Variants in ETS2 observed in about 807,000 individuals in gnomAD.
ETS2 encodes the protein protein C-ets-2.
A neutral mutation model predicts 54.9 loss-of-function variants in ETS2; 19 were observed. The ratio of observed to expected loss-of-function variants is 0.35; its 90% CI spans 0.24 to 0.51. ETS2 has a LOEUF of 0.51. Ranked by LOEUF, ETS2 falls within the 20% of genes least tolerant of loss-of-function variation. The pLI is 0.97. For missense variants in ETS2, 417 were observed against 593.0 expected (o/e 0.70, Z 3.08); for synonymous variants, 219 against 229.3 (o/e 0.95, Z 0.41).
At chr21:38,817,144 G>T (rs376307246) in intron 6 of ETS2, 53 bp downstream of exon 6, 64 of 1,214,554 alleles carry the variant, frequency 5.3e-5, no homozygotes, top group Non-Finnish European at 7.3e-5. Context: ...CTTCCCAGTA[G>T]ACTTGGAATC....
chr21:38,816,456 C>A (rs747999436), intron 5 of ETS2, among the ~76,000 whole-genome samples: 1 of 152,112 alleles, frequency 6.6e-6, no homozygotes, highest in South Asian at 2.1e-4. Context: ...TCCGGGTGGA[C>A]GTGCACTTTG....
At chr21:38,812,008 G>A (rs767485133) in intron 2 of ETS2, among the ~76,000 whole-genome samples, 2 of 152,180 alleles carry the variant, frequency 1.3e-5, no homozygotes, top group Non-Finnish European at 2.9e-5. Context: ...AAGCCACCCC[G>A]CCTGGCCTGG....
In ETS2 at chr21:38,821,661, G is replaced by T. The variant is rs1465836920; in HGVS notation, c.1151G>T (p.Trp384Leu). 6.2e-7 allele frequency: 1 copy of T among 1,613,986 alleles called. No individual in the cohort carries two copies. Residue 384 changes from tryptophan to leucine, a missense_variant, in exon 9 of 10, where the codon TGG (tryptophan) becomes TTG (leucine). Around this residue, in one of 3 missense-constraint regions of ETS2, gnomAD observed 60 missense variants for 134.1 expected, o/e 0.45. Coordinates refer to ENST00000360938, the MANE Select transcript of ETS2 (RefSeq NM_005239.6). The surrounding 1 kb of genome is among the most constrained non-coding windows in gnomAD (Gnocchi z 4.2). ...SDKSCQSFIS[W>L]TGDGWEFKLA... ...AAATCCTGCCAGTCATTCATCAGCTGGACTGGAGACGGATGGGAGTTTAAG... is the reference window on the plus strand; with the variant it reads ...AAATCCTGCCAGTCATTCATCAGCTTGACTGGAGACGGATGGGAGTTTAAG...
rs1031509121 is a variant in ETS2 at position 38,824,036 on chromosome 21, A to T, written c.*1147A>T. 6 of 152,648 alleles carry T rather than the reference A, an allele frequency of 3.9e-5. No individual in the cohort carries two copies. Among genetic ancestry groups the T allele is most frequent in the Non-Finnish European group, 5.9e-5 (4 of 68,042 alleles). The allele number at this position is 152,648 out of a possible 1,614,324, so 9.5% of individuals were successfully genotyped here. A position where few individuals can be genotyped will look rare whatever the true frequency, so the allele number is the denominator to read the frequency against. On this transcript the variant is annotated 3_prime_UTR_variant, in exon 10 of 10. Transcript: ENST00000360938. ...TTTATGTAGCAGCTATTTTTACTGC[A>T]AAAGTAATTCACTGGAAAAAAAATG...
chr21:38,823,621 T>TTTTTG lies in ETS2; in HGVS notation c.*735_*736insTGTTT, dbSNP rs1555887205. 7.2e-5 allele frequency: 11 copies of TTTTTG among 152,412 alleles called. No individual in the cohort carries two copies. Among genetic ancestry groups the TTTTTG allele is most frequent in the South Asian group, 2.1e-4 (1 of 4,812 alleles). The allele number at this position is 152,412 out of a possible 1,614,324, so 9.4% of individuals were successfully genotyped here. A position where few individuals can be genotyped will look rare whatever the true frequency, so the allele number is the denominator to read the frequency against. Reference sequence around the variant, plus strand: ...GGGGTAATCCCTGCTTTTTGTGTTTTTTTGTTTGTTTGTTTGTTTGTTTTT... The same window carrying TTTTTG: ...GGGGTAATCCCTGCTTTTTGTGTTTTTTTTGTTTGTTTGTTTGTTTGTTTGTTTTT... On this transcript the variant is annotated 3_prime_UTR_variant, in exon 10 of 10. Transcript: ENST00000360938.
chr21:38,820,364 T>TGGTTAGGTG (rs2060952998), intron 8 of ETS2, among the ~76,000 whole-genome samples: 2 of 152,220 alleles, frequency 1.3e-5, no homozygotes, highest in South Asian at 4.1e-4. Flanking sequence ...CACTGTGGAT[T>TGGTTAGGTG]GAAATTACCT....
chr21:38,812,912 T>C (rs2060919137), intron 2 of ETS2, 91 bp from the exon 3 acceptor site: 2 of 837,860 alleles, frequency 2.4e-6, no homozygotes, highest in African/African-American at 3.3e-5. Flanking sequence ...TCAGGGACTA[T>C]TGGTAGGATT....
At chr21:38,813,259 C>G in intron 3 of ETS2, 145 bp downstream of exon 3, 1 of 649,666 alleles carries the variant, frequency 1.5e-6, no homozygotes, top group East Asian at 2.6e-5. Context: ...TGGGAGAAGG[C>G]AGTTTTTCAT....
At chr21:38,807,070 C>T (rs1320863024) in intron 1 of ETS2, among the ~76,000 whole-genome samples, 1 of 152,208 alleles carries the variant, frequency 6.6e-6, no homozygotes. Flanking sequence ...GCCCACACCA[C>T]CACCAATCAG....
rs1366138214 is a variant in ETS2, at chr21:38,805,967, C to G, written c.-154C>G. ...AGAGACTGACGAGTGCGGTGTCGCTCCAGCTCAGAGCTCCCGGAGCCGCCC... is the reference window on the plus strand; with the variant it reads ...AGAGACTGACGAGTGCGGTGTCGCTGCAGCTCAGAGCTCCCGGAGCCGCCC... On this transcript the variant is annotated 5_prime_UTR_variant, in exon 1 of 10. Transcript: ENST00000360938. The surrounding 1 kb of genome is among the most constrained non-coding windows in gnomAD (Gnocchi z 5.2). 7.9e-7 allele frequency: 1 copy of G among 1,268,740 alleles called. No individual in the cohort carries two copies. 78.6% of individuals were successfully genotyped at this position (1,268,740 alleles called of 1,614,324 possible). A position where few individuals can be genotyped will look rare whatever the true frequency, so the allele number is the denominator to read the frequency against.
rs935794378 is a variant in ETS2 at position 38,821,052 on chromosome 21, C to T, written c.1076-534C>T. Among the ~76,000 whole-genome samples, 5 of 152,134 alleles carry T rather than the reference C, an allele frequency of 3.3e-5. No individual in the cohort carries two copies. The highest frequency in any genetic ancestry group is 6.5e-5 in the Admixed American group (1 of 15,280). On this transcript the variant is annotated intron_variant, in intron 8 of 9. Coordinates refer to ENST00000360938, the MANE Select transcript of ETS2 (RefSeq NM_005239.6). The surrounding 1 kb of genome is among the most constrained non-coding windows in gnomAD (Gnocchi z 4.2). ...GGCTGTGAGGCAACGGGTGTGACCC[C>T]GCGTGGCTATTGAGTAAACCGGGCT...
chr21:38,813,114 G>A lies in ETS2; in HGVS notation c.184G>A (p.Asp62Asn), dbSNP rs780267734. ...VPTGLDSISH[D>N]SANCELPLLT... The stretch of plus-strand genomic sequence containing the variant: ...AACAGGCTTGGATTCCATTTCTCAT[G>A]GTAATTGGTTCCTCAGACTTGACAA... The change falls in exon 3 of 10, where the codon GAC (aspartate) becomes AAC (asparagine). Residue 62 changes from aspartate to asparagine, a missense_variant and splice_region_variant. By Grantham distance (23) the Asp-to-Asn change is conservative (BLOSUM62 1). Around this residue, in one of 3 missense-constraint regions of ETS2, gnomAD observed 326 missense variants for 426.1 expected, o/e 0.76. Coordinates refer to ENST00000360938, the MANE Select transcript of ETS2 (RefSeq NM_005239.6). 3 of 1,588,334 alleles carry A rather than the reference G, an allele frequency of 1.9e-6. No individual in the cohort carries two copies. In the East Asian group the frequency reaches 6.7e-5, roughly 35 times the overall value.
In ETS2 at chr21:38,814,460, G is replaced by A. The variant is rs937623336; in HGVS notation, c.304+68G>A. The A allele has an allele frequency of 1.0e-5, 16 of 1,582,898 alleles. No homozygotes were observed. The African/African-American group carries it at 2.0e-4, about 20-fold the overall frequency. On this transcript the variant is annotated intron_variant, in intron 4 of 9. Transcript: ENST00000360938. The surrounding 1 kb of genome is among the most constrained non-coding windows in gnomAD (Gnocchi z 4.2). ...AACTTCAGTGCAGTTGTTTGATCTTGACTTGTTTATTAAGCTTTTGCTTGG... is the reference window on the plus strand; with the variant it reads ...AACTTCAGTGCAGTTGTTTGATCTTAACTTGTTTATTAAGCTTTTGCTTGG...
intron 9 of ETS2, among the ~76,000 whole-genome samples, chr21:38,822,366 C>T (rs1484656415): frequency 1.3e-5 from 2 of 152,184 alleles, no homozygotes; most frequent in Admixed American, 6.5e-5. Flanking sequence ...GTGGGTGACA[C>T]CACCTTTCCC....
rs2060926175 is a variant in ETS2 at position 38,814,728 on chromosome 21, A to C, written c.305-53A>C. ...AATTAGGGATGACAGTGGTCTCACT[A>C]CCTTTCCACTGTTTTTACCTCATGT... On this transcript the variant is annotated intron_variant, in intron 4 of 9. Transcript: ENST00000360938. The surrounding 1 kb of genome is among the most constrained non-coding windows in gnomAD (Gnocchi z 4.2). The C allele has an allele frequency of 6.6e-7, 1 of 1,507,812 alleles. No homozygotes were observed. Among genetic ancestry groups the C allele is most frequent in the Non-Finnish European group, 9.2e-7 (1 of 1,086,248 alleles). The allele number at this position is 1,507,812 out of a possible 1,614,324, so 93.4% of individuals were successfully genotyped here.
chr21:38,822,885 A>G lies in ETS2; in HGVS notation c.1406A>G (p.Asp469Gly). The G allele has an allele frequency of 6.4e-7, 1 of 1,572,492 alleles. No individual in the cohort carries two copies. Among genetic ancestry groups the G allele is most frequent in the Non-Finnish European group, 8.6e-7 (1 of 1,156,272 alleles). The change falls in exon 10 of 10, where the codon GAC becomes GGC. Residue 469 changes from aspartate to glycine, a missense_variant. Asp to Gly is a moderately conservative substitution (Grantham distance 94). This residue lies in a region of ETS2 where 31 missense variants were observed against 32.8 expected (regional missense o/e 0.95). Coordinates refer to ENST00000360938, the MANE Select transcript of ETS2 (RefSeq NM_005239.6). ...CTGGGCGTCCAGCCCGACACGGAGG[A>G]CTGAGGTCGCCGGGACCACCCTGAG... is the stretch of plus-strand genomic sequence containing the variant. ...AILGVQPDTE[D>G]
At chr21:38,820,167 C>A (rs1052182831) in intron 8 of ETS2, among the ~76,000 whole-genome samples, 4 of 152,194 alleles carry the variant, frequency 2.6e-5, no homozygotes, top group African/African-American at 9.7e-5. Context: ...CCTTTTCTTG[C>A]TTCTAAAATC....
rs767296660 is a variant in ETS2 at position 38,822,839 on chromosome 21, C to G, written c.1360C>G (p.Pro454Ala). 1.1e-5 allele frequency: 18 copies of G among 1,609,150 alleles called. No homozygotes were observed. Among genetic ancestry groups the G allele is most frequent in the Non-Finnish European group, 1.3e-5 (15 of 1,176,376 alleles). The change falls in exon 10 of 10, where the codon CCC (proline) becomes GCC (alanine). Residue 454 changes from proline (P) to alanine (A), a missense_variant. Physicochemically the swap from Pro to Ala is conservative, Grantham distance 27. Coordinates refer to ENST00000360938, the MANE Select transcript of ETS2 (RefSeq NM_005239.6). ...CDLQNLLGFT[P>A]EELHAILGVQ... ...CCTCCAGAACTTGCTGGGGTTCACG[C>G]CCGAGGAACTGCACGCCATCCTGGG...
chr21:38,805,606 G>A (rs2060888667), upstream of ETS2: 2 of 1,259,880 alleles, frequency 1.6e-6, no homozygotes, highest in Admixed American at 2.5e-5. The surrounding 1 kb of genome is among the most constrained non-coding windows in gnomAD (Gnocchi z 5.2). Context: ...ACAGCAGGAG[G>A]CGGAGGGAAG....
Sources: gnomAD v4.1 joint callset for allele counts (sites outside exome capture counted in the v4.1 genomes callset) on GRCh38, gnomAD v4.1.1 for gene constraint, gnomAD v4.1.1 regional missense constraint, Gnocchi (gnomAD v3.1) non-coding constraint, MANE v1.5 for transcripts, NCBI Gene and HGNC (gene_info 2026-07-23, HGNC 2026-07-21) for gene names.